TBC1D1: variants seen among roughly 807,000 people sequenced by gnomAD.
The protein encoded by TBC1D1 is TBC1 domain family member 1, also known as TBC1 (tre-2/USP6, BUB2, cdc16) domain family, member 1.
Under a neutral mutation model 125.6 loss-of-function variants are expected in TBC1D1, and 89 were observed. The ratio of observed to expected loss-of-function variants is 0.71; its 90% CI spans 0.60 to 0.85. TBC1D1 has a LOEUF of 0.85. Ranked by LOEUF, TBC1D1 falls within the 40% of genes least tolerant of loss-of-function variation. The probability of loss-of-function intolerance (pLI) is 0.00; values close to 1 mark genes in which losing one functional copy is unlikely to be tolerated. For missense variants in TBC1D1, 1,377 were observed against 1,469.2 expected, an observed-to-expected ratio of 0.94 and a Z score of 1.03; for synonymous variants, 565 against 564.1, an observed-to-expected ratio of 1.00 and a Z score of -0.02.
chr4:38,007,291 C>A (rs1448977008), intron 2 of TBC1D1, among the ~76,000 whole-genome samples: 1 of 151,960 alleles, frequency 6.6e-6, no homozygotes, highest in Non-Finnish European at 1.5e-5. Context: ...CTTGCTCTGT[C>A]GCCCAGGCTG....
intron 13 of TBC1D1, among the ~76,000 whole-genome samples, chr4:38,094,419 G>A (rs1161831857): frequency 3.9e-5 from 6 of 152,072 alleles, no homozygotes; most frequent in African/African-American, 9.7e-5. Context: ...CTTACAAACC[G>A]CATGGGTGTG....
At chr4:38,134,006 T>A (rs1175370538) in intron 19 of TBC1D1, among the ~76,000 whole-genome samples, 2 of 152,250 alleles carry the variant, frequency 1.3e-5, no homozygotes, top group African/African-American at 4.8e-5. Flanking sequence ...TATGTTCTAC[T>A]TTTTTCTACT....
chr4:38,070,595 G>T (rs1293993322), intron 12 of TBC1D1, among the ~76,000 whole-genome samples: 1 of 152,128 alleles, frequency 6.6e-6, no homozygotes, highest in Admixed American at 6.5e-5. Context: ...TTGTATAAAG[G>T]GGTATATGAT....
At chr4:38,103,280 G>A in intron 15 of TBC1D1, 123 bp downstream of exon 17, 1 of 994,120 alleles carries the variant, frequency 1.0e-6, no homozygotes, top group Non-Finnish European at 1.5e-6. Context: ...TTACTACTGA[G>A]ACTTTTAATT....
chr4:37,952,739 C>A (rs1428165751), intron 2 of TBC1D1: 1 of 152,432 alleles, frequency 6.6e-6, no homozygotes. Context: ...CACACATTTA[C>A]CTATGTAACA....
At chr4:38,028,477 T>C (rs1425668322) in intron 7 of TBC1D1, among the ~76,000 whole-genome samples, 12 of 152,224 alleles carry the variant, frequency 7.9e-5, no homozygotes, top group African/African-American at 2.4e-4. Context: ...AATCTCATAA[T>C]GCTTTAAGAA....
At chr4:38,019,819 G>A (rs192095772) in intron 4 of TBC1D1, among the ~76,000 whole-genome samples, 35 of 152,228 alleles carry the variant, frequency 2.3e-4, no homozygotes, top group African/African-American at 8.4e-4. Context: ...TACTCTGTGT[G>A]CATGTAATTT....
intron 19 of TBC1D1, among the ~76,000 whole-genome samples, chr4:38,135,948 G>GTGTGTGTGTGTATATA (rs757848805): frequency 3.4e-5 from 5 of 145,774 alleles, no homozygotes; most frequent in Non-Finnish European, 4.5e-5. Flanking sequence ...GTGTGTGTGT[G>GTGTGTGTGTGTATATA]TGTGTATATA....
chr4:38,110,182 G>C (rs1560810239), intron 15 of TBC1D1: 2 of 985,264 alleles, frequency 2.0e-6, no homozygotes, highest in African/African-American at 3.5e-5. Flanking sequence ...AATGCAGTCA[G>C]ATGGGCTCTG....
In TBC1D1 at chr4:38,029,314, A is replaced by G. The variant is rs560793784; in HGVS notation, c.1302+1435A>G. 1.2e-4 allele frequency among the ~76,000 whole-genome samples: 19 copies of G among 152,130 alleles called. No individual in the cohort carries two copies. The East Asian group carries it at 3.5e-3, about 28-fold the overall frequency. ...CTCACTGGGAAAAGACTATACTAGGATCCACGATCTGCTTTCTGTTAGTGT... is the reference window on the plus strand; with the variant it reads ...CTCACTGGGAAAAGACTATACTAGGGTCCACGATCTGCTTTCTGTTAGTGT... On this transcript the variant is annotated intron_variant, in intron 7 of 19. Transcript: ENST00000261439.
intron 2 of TBC1D1, among the ~76,000 whole-genome samples, chr4:37,919,324 T>A (rs1720414903): frequency 6.7e-6 from 1 of 150,046 alleles, no homozygotes; most frequent in South Asian, 2.1e-4. Flanking sequence ...CCACCATGCC[T>A]AGCTGGTTTG....
chr4:38,133,096 G>C lies in TBC1D1; in HGVS notation c.3145G>C (p.Asp1049His). The change falls in exon 19 of 20, where the codon GAC (aspartate) becomes CAC (histidine). Residue 1049 changes from aspartate to histidine, a missense_variant. By Grantham distance (81) the Asp-to-His change is moderately conservative. Transcript: ENST00000261439. Reference sequence around the variant, plus strand: ...CTTTCTATAACAGGTATTTGAAATGGACATCGCTAAACAGTTACAAGCTTA... The same window carrying C: ...CTTTCTATAACAGGTATTTGAAATGCACATCGCTAAACAGTTACAAGCTTA... 6.2e-7 allele frequency: 1 copy of C among 1,610,788 alleles called. No individual in the cohort carries two copies. The highest frequency in any genetic ancestry group is 1.1e-5 in the South Asian group (1 of 90,226).
intron 15 of TBC1D1, chr4:38,111,869 AACC>A: frequency 1.1e-6 from 1 of 937,808 alleles, no homozygotes; most frequent in Non-Finnish European, 1.3e-6. Context: ...TGTCCTGCTT[AACC>A]GCTAATCAGG....
At chr4:38,044,546 G>A in intron 9 of TBC1D1, 56 bp downstream of exon 9, 1 of 1,534,060 alleles carries the variant, frequency 6.5e-7, no homozygotes, top group South Asian at 1.3e-5. Context: ...GAGAGTGTAA[G>A]ATTGAGTTCT....
chr4:38,098,935 G>A (rs186114492), intron 14 of TBC1D1, among the ~76,000 whole-genome samples: 1 of 152,240 alleles, frequency 6.6e-6, no homozygotes, highest in African/African-American at 2.4e-5. Context: ...TATCAATTTA[G>A]GAGAAGATAA....
chr4:38,058,572 A>G (rs1468631344), intron 12 of TBC1D1, among the ~76,000 whole-genome samples: 1 of 152,206 alleles, frequency 6.6e-6, no homozygotes. Context: ...AGTACCTTTT[A>G]ACACCTATTT....
At chr4:38,090,219 A>G in intron 13 of TBC1D1, 102 bp downstream of exon 15, 1 of 1,110,104 alleles carries the variant, frequency 9.0e-7, no homozygotes, top group South Asian at 1.3e-5. Context: ...CAGCAGCACG[A>G]TAGTCTAATG....
chr4:38,049,664 C>G lies in TBC1D1; in HGVS notation c.1676C>G (p.Ser559Cys). ...GAGGCCTTGCCCATCTCTGAGAGCT[C>G]CTTTAAGCTCCTCGGCTCCTCGGAG... is the stretch of plus-strand genomic sequence containing the variant. The change falls in exon 11 of 20, where the codon TCC becomes TGC. Residue 559 changes from serine (S) to cysteine (C), a missense_variant. Ser to Cys is a moderately radical substitution (Grantham distance 112). Transcript: ENST00000261439. 1 of 1,614,036 alleles carries G rather than the reference C, an allele frequency of 6.2e-7. No individual in the cohort carries two copies. The highest frequency in any genetic ancestry group is 8.5e-7 in the Non-Finnish European group (1 of 1,179,934).
chr4:37,996,190 C>A, intron 2 of TBC1D1: 1 of 339,232 alleles, frequency 2.9e-6, no homozygotes, highest in South Asian at 2.3e-5. Context: ...CAGGCACCCA[C>A]CACAAGGCTT....
Sources: allele counts gnomAD v4.1 joint callset (sites outside exome capture counted in the v4.1 genomes callset), GRCh38; gene constraint gnomAD v4.1.1; transcripts MANE v1.5; gene names NCBI Gene and HGNC (gene_info 2026-07-23, HGNC 2026-07-21).